TJP2: variants seen among roughly 807,000 people sequenced by gnomAD.
TJP2 encodes the protein tight junction protein 2.
TJP2 carries 91 observed loss-of-function variants against 133.1 expected under a neutral mutation model. That is an observed-to-expected ratio of 0.68 (90% CI 0.58 to 0.81). The LOEUF is 0.81. Among genes scored for constraint, TJP2 ranks in the 40% least tolerant of loss-of-function variants. The pLI is 0.00. For synonymous variants in TJP2, 592 were observed against 583.4 expected (o/e 1.01, Z -0.21); for missense variants, 1,541 against 1,565.6 (o/e 0.98, Z 0.26).
chr9:69,237,184 C>A, intron 14 of TJP2, 48 bp downstream of exon 14: 1 of 1,603,110 alleles, frequency 6.2e-7, no homozygotes, highest in Non-Finnish European at 8.5e-7. Context: ...GGGCTCTGAG[C>A]CTGTTCACCT....
At chr9:69,172,671 T>A (rs1360992142), upstream of TJP2, among the ~76,000 whole-genome samples, 1 of 152,232 alleles carries the variant, frequency 6.6e-6, no homozygotes, top group Non-Finnish European at 1.5e-5. Flanking sequence ...TCAAGTGCTA[T>A]CATTTTTATT....
intron 1 of TJP2, among the ~76,000 whole-genome samples, chr9:69,131,677 A>C (rs1251427159): frequency 6.6e-6 from 1 of 152,186 alleles, no homozygotes; most frequent in Non-Finnish European, 1.5e-5. Flanking sequence ...CTGTATGGTC[A>C]GGAACTGAGT....
At chr9:69,180,415 G>A (rs1392468629) in intron 1 of TJP2, among the ~76,000 whole-genome samples, 3 of 152,210 alleles carry the variant, frequency 2.0e-5, no homozygotes, top group Non-Finnish European at 2.9e-5. Flanking sequence ...GTAGCTTCAA[G>A]GACCTTCTAG....
intron 22 of TJP2, chr9:69,253,691 C>T (rs7019209): frequency 0.14 from 27,320 of 189,590 alleles, 2,209 homozygotes; most frequent in African/African-American, 0.21. Context: ...GACCTCCGCC[C>T]GCCTCGGCCT....
In TJP2 at chr9:69,238,092, A is replaced by G. The variant is rs1225474952; in HGVS notation, c.2275+119A>G. On this transcript the variant is annotated intron_variant, in intron 15 of 22. Coordinates refer to ENST00000377245, the MANE Select transcript of TJP2 (RefSeq NM_004817.4). ...TCACCTGGAATCACCAGTTGCTGAC[A>G]TTTTGTCACGCATTTTCTCTCACCC... 9 of 736,988 alleles carry G rather than the reference A, an allele frequency of 1.2e-5. No individual in the cohort carries two copies. The Admixed American group carries it at 1.8e-4, about 15-fold the overall frequency. 45.7% of individuals were successfully genotyped at this position (736,988 alleles called of 1,614,324 possible).
At chr9:69,239,237 C>G (rs1177070723) in intron 16 of TJP2, among the ~76,000 whole-genome samples, 1 of 151,532 alleles carries the variant, frequency 6.6e-6, no homozygotes, top group Non-Finnish European at 1.5e-5. Flanking sequence ...TGTGTGGAAA[C>G]CAGTCACTGT....
In TJP2 at chr9:69,125,742, T is replaced by G. The variant is rs1228756815; in HGVS notation, c.-131+4017T>G. Among the ~76,000 whole-genome samples the G allele has an allele frequency of 2.6e-5, 2 of 77,232 alleles. 1 individual carries two copies. The highest frequency in any genetic ancestry group is 7.9e-5 in the African/African-American group (2 of 25,304). 50.7% of individuals were successfully genotyped at this position (77,232 alleles called of 152,430 possible). On this transcript the variant is annotated intron_variant, in intron 1 of 5. Coordinates refer to the TJP2 transcript ENST00000423935. ...AGATAACACAATTTTATATACAACA[T>G]GAAATAAAATTAACAATAGTTTCTT...
intron 2 of TJP2, among the ~76,000 whole-genome samples, chr9:69,152,349 G>A (rs776693082): frequency 1.9e-4 from 29 of 152,160 alleles, no homozygotes; most frequent in Admixed American, 3.9e-4. Flanking sequence ...GGATGCATTT[G>A]TTTTTTGTTA....
At chr9:69,205,042 A>G (rs908072864) in intron 1 of TJP2, 5 of 1,444,330 alleles carry the variant, frequency 3.5e-6, no homozygotes, top group Non-Finnish European at 4.5e-6. Context: ...AGATGACAAC[A>G]GGATTTGCTG....
chr9:69,183,810 T>C (rs764369224), intron 1 of TJP2, among the ~76,000 whole-genome samples: 5 of 152,104 alleles, frequency 3.3e-5, no homozygotes, highest in Non-Finnish European at 7.4e-5. Context: ...TCTCAGCTCA[T>C]TGCGACCTGT....
chr9:69,185,193 C>A (rs1825777893), intron 1 of TJP2, among the ~76,000 whole-genome samples: 1 of 152,050 alleles, frequency 6.6e-6, no homozygotes, highest in South Asian at 2.1e-4. Flanking sequence ...TCCCGAGTAG[C>A]TGGGATTACA....
At chr9:69,128,563 C>G (rs1383813843) in intron 1 of TJP2, among the ~76,000 whole-genome samples, 1 of 150,838 alleles carries the variant, frequency 6.6e-6, no homozygotes, top group Non-Finnish European at 1.5e-5. Flanking sequence ...GGCTCTGTCG[C>G]CCAGGCTGGA....
intron 22 of TJP2, 132 bp from the exon 23 acceptor site, chr9:69,254,077 T>C: frequency 1.9e-6 from 2 of 1,046,686 alleles, no homozygotes; most frequent in African/African-American, 1.6e-5. Flanking sequence ...CCCTGGTTGC[T>C]CTGCAGAATG....
At chr9:69,132,917 C>G (rs57848371) in intron 1 of TJP2, among the ~76,000 whole-genome samples, 1 of 152,124 alleles carries the variant, frequency 6.6e-6, no homozygotes, top group African/African-American at 2.4e-5. Flanking sequence ...TACTTAGTCA[C>G]CTGGTGCCTA....
At chr9:69,172,806 C>G (rs1824761947), upstream of TJP2, among the ~76,000 whole-genome samples, 2 of 152,046 alleles carry the variant, frequency 1.3e-5, no homozygotes, top group African/African-American at 2.4e-5. Flanking sequence ...CTCGTGGGCT[C>G]AAGTGATTCT....
Position 69,249,459 on chromosome 9 carries a change from C to G in TJP2, c.2965C>G (p.Pro989Ala), listed in dbSNP as rs777687015. The G allele has an allele frequency of 3.7e-6, 6 of 1,609,356 alleles. No homozygotes were observed. In the South Asian group the frequency reaches 6.7e-5, roughly 18 times the overall value. The change falls in exon 20 of 23, where the codon CCA (proline) becomes GCA (alanine). Residue 989 changes from proline to alanine, a missense_variant. Transcript: ENST00000377245. ...SDQLRDNSPP[P>A]AFKPEPPKAK... ...TCAACTTAGGGACAATAGCCCGCCC[C>G]CAGCATTCAAGCCAGAGCCGCCCAA...
chr9:69,137,299 CTTTTCTTTTCTT>C (rs150529217), intron 1 of TJP2, among the ~76,000 whole-genome samples: 2 of 86,152 alleles, frequency 2.3e-5, no homozygotes, highest in Non-Finnish European at 4.8e-5. Flanking sequence ...TTCTTTCTTT[CTTTTCTTTTCTT>C]TTCTTTTCTT....
chr9:69,148,254 T>G (rs531695664), intron 1 of TJP2, among the ~76,000 whole-genome samples: 1 of 134,770 alleles, frequency 7.4e-6, no homozygotes, highest in Admixed American at 8.1e-5. Flanking sequence ...TTAATTTTTT[T>G]TTTTTTTTGA....
At chr9:69,245,713 A>G (rs1258960325) in intron 17 of TJP2, among the ~76,000 whole-genome samples, 1 of 152,208 alleles carries the variant, frequency 6.6e-6, no homozygotes, top group Non-Finnish European at 1.5e-5. Context: ...GCATCATAGC[A>G]ACACCTACCT....
Sources: allele counts gnomAD v4.1 joint callset (sites outside exome capture counted in the v4.1 genomes callset), GRCh38; gene constraint gnomAD v4.1.1; transcripts MANE v1.5; gene names NCBI Gene and HGNC (gene_info 2026-07-23, HGNC 2026-07-21).